PCDH11X: variants seen among roughly 807,000 people sequenced by gnomAD.
PCDH11X encodes protocadherin 11 X-linked, also known as protocadherin-11 X-linked.
A neutral mutation model predicts 53.3 loss-of-function variants in PCDH11X; 18 were observed. That is an observed-to-expected ratio of 0.34 (90% CI 0.23 to 0.50). The LOEUF is 0.50. PCDH11X is among the 20% of genes least tolerant of loss of function. The pLI, the probability that PCDH11X is intolerant of heterozygous loss-of-function variation, is 0.98. For missense variants in PCDH11X, 570 were observed against 1,032.4 expected, an observed-to-expected ratio of 0.55 and a Z score of 6.14; for synonymous variants, 279 against 393.3, an observed-to-expected ratio of 0.71 and a Z score of 3.44.
chrX:92,234,377 A>G (rs548067979), intron 7 of PCDH11X, among the ~76,000 whole-genome samples: 3 of 111,987 alleles, frequency 2.7e-5, no homozygotes, highest in Admixed American at 1.9e-4. Flanking sequence ...ATACCAGAAG[A>G]CGTGAAGTGG....
chrX:92,198,994 G>T (rs1390776381), intron 6 of PCDH11X, among the ~76,000 whole-genome samples: 2 of 110,991 alleles, frequency 1.8e-5, no homozygotes, highest in Non-Finnish European at 3.8e-5. Flanking sequence ...AGAATTTCTA[G>T]ATTCTAAAAG....
At chrX:92,361,891 G>A (rs1485059842) in intron 8 of PCDH11X, among the ~76,000 whole-genome samples, 1 of 110,606 alleles carries the variant, frequency 9.0e-6, no homozygotes. Context: ...GGCTATTCTT[G>A]TTACCGTGTA....
At chrX:92,095,772 G>A (rs1026200477) in intron 6 of PCDH11X, among the ~76,000 whole-genome samples, 2 of 112,113 alleles carry the variant, frequency 1.8e-5, no homozygotes, top group Non-Finnish European at 3.8e-5. Flanking sequence ...ATTTGTACAC[G>A]TAGTGAAATT....
chrX:91,912,957 G>A (rs1213771840), intron 6 of PCDH11X, among the ~76,000 whole-genome samples: 1 of 111,852 alleles, frequency 8.9e-6, no homozygotes, highest in Non-Finnish European at 1.9e-5. Context: ...ATCACAAGAG[G>A]ATTTAACCTT....
At chrX:91,944,510 CAT>C (rs1372431166) in intron 6 of PCDH11X, among the ~76,000 whole-genome samples, 1 of 102,568 alleles carries the variant, frequency 9.7e-6, no homozygotes, top group Non-Finnish European at 2.0e-5. Context: ...TCGGGTGAAT[CAT>C]ATAGTGCATC....
At chrX:92,203,821 A>G (rs2066431706) in intron 7 of PCDH11X, among the ~76,000 whole-genome samples, 1 of 111,920 alleles carries the variant, frequency 8.9e-6, no homozygotes, top group African/African-American at 3.3e-5. Context: ...GGGTCACAAG[A>G]TCAGATAAGC....
chrX:92,470,482 A>G (rs2073239541), intron 10 of PCDH11X, among the ~76,000 whole-genome samples: 2 of 105,674 alleles, frequency 1.9e-5, no homozygotes, highest in African/African-American at 3.4e-5. Flanking sequence ...TTCCAGTACT[A>G]TGTTGAATGA....
chrX:92,197,294 G>A (rs892433912), intron 6 of PCDH11X, among the ~76,000 whole-genome samples: 7 of 111,730 alleles, frequency 6.3e-5, no homozygotes, highest in Non-Finnish European at 1.3e-4. Flanking sequence ...AAAGAGAGTA[G>A]TAATTAACTG....
At chrX:92,360,657 T>G (rs1395305200) in intron 8 of PCDH11X, among the ~76,000 whole-genome samples, 2 of 111,175 alleles carry the variant, frequency 1.8e-5, no homozygotes, top group Non-Finnish European at 3.8e-5. Flanking sequence ...TTTAGCTTTT[T>G]TGTCAAAGTT....
chrX:92,477,751 G>A (rs146872202), intron 10 of PCDH11X, among the ~76,000 whole-genome samples: 1,784 of 105,987 alleles, frequency 0.017, 36 homozygotes, highest in African/African-American at 0.06. Flanking sequence ...GGCACTAGAA[G>A]TATTGCCTGG....
At chrX:92,105,885 G>A (rs1285645174) in intron 6 of PCDH11X, among the ~76,000 whole-genome samples, 4 of 111,509 alleles carry the variant, frequency 3.6e-5, no homozygotes, top group Non-Finnish European at 7.5e-5. Context: ...CACAGGGGAT[G>A]CGATGGCTTG....
intron 9 of PCDH11X, among the ~76,000 whole-genome samples, chrX:92,448,825 A>C (rs918921478): frequency 8.1e-5 from 9 of 111,439 alleles, no homozygotes; most frequent in Non-Finnish European, 1.7e-4. Flanking sequence ...GTTTTCAGTA[A>C]CTTCTTATAG....
At chrX:91,822,210 T>C (rs190438678) in intron 4 of PCDH11X, among the ~76,000 whole-genome samples, 11,726 of 108,853 alleles carry the variant, frequency 0.11, 1,969 homozygotes, top group African/African-American at 0.39. Context: ...GGGAGGATTC[T>C]CTCTTTCTCT....
At chrX:92,544,596 T>C (rs935265659) in intron 10 of PCDH11X, among the ~76,000 whole-genome samples, 16 of 109,481 alleles carry the variant, frequency 1.5e-4, no homozygotes, top group African/African-American at 5.3e-4. Flanking sequence ...TGGTCTTGTC[T>C]TATGTGAACT....
At chrX:91,983,631 G>A (rs34715971) in intron 6 of PCDH11X, 13 of 350,371 alleles carry the variant, frequency 3.7e-5, no homozygotes, top group African/African-American at 1.0e-4. Context: ...ATCAGATCTC[G>A]GGAGACCCAT....
At chrX:91,922,819 C>G (rs1478355899) in intron 6 of PCDH11X, among the ~76,000 whole-genome samples, 4 of 110,843 alleles carry the variant, frequency 3.6e-5, no homozygotes, top group Admixed American at 2.9e-4. Context: ...TCTTAGGTCT[C>G]TATTATAAAT....
intron 9 of PCDH11X, chrX:92,460,204 G>A (rs2073007669): frequency 1.1e-6 from 1 of 916,060 alleles, no homozygotes; most frequent in South Asian, 2.0e-5. Context: ...TGTGGAGAAC[G>A]ACATCCATGG....
At chrX:92,117,150 T>G (rs777082866) in intron 6 of PCDH11X, among the ~76,000 whole-genome samples, 3 of 108,441 alleles carry the variant, frequency 2.8e-5, no homozygotes, top group East Asian at 6.0e-4. Flanking sequence ...CAAACAGTAA[T>G]ACTGTGGTAG....
At chrX:91,806,311 A>T (rs1169718424) in intron 1 of PCDH11X, among the ~76,000 whole-genome samples, 2 of 113,838 alleles carry the variant, frequency 1.8e-5, no homozygotes, top group East Asian at 5.5e-4. Flanking sequence ...TTGTTTCTTT[A>T]AAAAGGGGAC....
Sources: gnomAD v4.1 joint callset for allele counts (sites outside exome capture counted in the v4.1 genomes callset) on GRCh38, gnomAD v4.1.1 for gene constraint, MANE v1.5 for transcripts, NCBI Gene and HGNC (gene_info 2026-07-23, HGNC 2026-07-21) for gene names.